Variants in FABP12 observed in about 807,000 individuals in gnomAD.
FABP12 encodes the protein fatty acid-binding protein 12.
In FABP12, 19 loss-of-function variants were observed where a neutral mutation model predicts 13.7. The observed-to-expected ratio is 1.39, with a 90% CI of 0.97 to 2.04. FABP12 has a LOEUF of 2.04. Among genes scored for constraint, FABP12 ranks in the 30% most tolerant of loss-of-function variants. The pLI is 0.00. For synonymous variants in FABP12, 61 were observed against 57.0 expected (o/e 1.07, Z -0.32); for missense variants, 182 against 164.2 (o/e 1.11, Z -0.59).
intron 1 of FABP12, among the ~76,000 whole-genome samples, chr8:81,567,014 G>A (rs1809834358): frequency 2.0e-5 from 3 of 152,006 alleles, no homozygotes; most frequent in Admixed American, 2.0e-4. Context: ...CATGCCAACA[G>A]CAAACAATCT....
intron 1 of FABP12, among the ~76,000 whole-genome samples, chr8:81,580,066 T>C (rs954165569): frequency 6.6e-5 from 10 of 152,180 alleles, no homozygotes; most frequent in Non-Finnish European, 1.3e-4. Context: ...AGCGTGACAA[T>C]TGTCCCTATA....
At chr8:81,560,534 C>A (rs941733107) in intron 1 of FABP12, among the ~76,000 whole-genome samples, 1 of 152,188 alleles carries the variant, frequency 6.6e-6, no homozygotes, top group Non-Finnish European at 1.5e-5. Context: ...GCCATCCCCC[C>A]ATCAGCCAGA....
At chr8:81,547,923 G>C (rs1809461594) in intron 1 of FABP12, among the ~76,000 whole-genome samples, 1 of 152,202 alleles carries the variant, frequency 6.6e-6, no homozygotes, top group South Asian at 2.1e-4. Context: ...TTAGAGAAGT[G>C]AAAGGACTTT....
At chr8:81,585,136 T>C (rs571655620) in intron 1 of FABP12, among the ~76,000 whole-genome samples, 1 of 152,274 alleles carries the variant, frequency 6.6e-6, no homozygotes, top group South Asian at 2.1e-4. Flanking sequence ...GTTTTTAAGG[T>C]CACAGCCCAA....
At chr8:81,584,162 T>C (rs550318834) in intron 1 of FABP12, among the ~76,000 whole-genome samples, 1 of 151,976 alleles carries the variant, frequency 6.6e-6, no homozygotes, top group Non-Finnish European at 1.5e-5. Flanking sequence ...CACCAGCAAG[T>C]TGGGTGAGTA....
intron 1 of FABP12, among the ~76,000 whole-genome samples, chr8:81,551,140 C>A (rs1004397113): frequency 2.0e-5 from 3 of 152,134 alleles, no homozygotes; most frequent in African/African-American, 7.2e-5. Context: ...GTCTTATGGG[C>A]TACAGAAATG....
intron 1 of FABP12, among the ~76,000 whole-genome samples, chr8:81,533,593 A>C (rs1272620987): frequency 6.6e-6 from 1 of 151,938 alleles, no homozygotes. Context: ...AGTCCCCCCC[A>C]CATCCCAAGT....
intron 1 of FABP12, among the ~76,000 whole-genome samples, chr8:81,576,623 C>T (rs1455796813): frequency 1.3e-5 from 2 of 152,052 alleles, no homozygotes; most frequent in Non-Finnish European, 2.9e-5. Flanking sequence ...TCCATAAATA[C>T]ATAAATTGTT....
chr8:81,531,590 G>A (rs1281317715), intron 1 of FABP12, among the ~76,000 whole-genome samples, 200 bp from the exon 2 acceptor site: 1 of 152,162 alleles, frequency 6.6e-6, no homozygotes, highest in Admixed American at 6.5e-5. Context: ...CACCAATTTA[G>A]CATCAAAACT....
At chr8:81,538,002 A>G (rs184500615), upstream of FABP12, among the ~76,000 whole-genome samples, 1 of 152,322 alleles carries the variant, frequency 6.6e-6, no homozygotes, top group East Asian at 1.9e-4. Flanking sequence ...TACTGGAAGT[A>G]TGGTGCCAGC....
At chr8:81,540,254 A>C (rs1218659092) in intron 1 of FABP12, among the ~76,000 whole-genome samples, 1 of 152,238 alleles carries the variant, frequency 6.6e-6, no homozygotes, top group African/African-American at 2.4e-5. Context: ...AAGTCCTCCA[A>C]GTGATTCTGA....
rs1175451748 is a variant in FABP12, at chr8:81,571,733, G to A, written c.-185+18320C>T. Among the ~76,000 whole-genome samples, 3 of 152,174 alleles carry A rather than the reference G, an allele frequency of 2.0e-5. No individual in the cohort carries two copies. The East Asian group carries it at 5.8e-4, about 29-fold the overall frequency. On this transcript the variant is annotated intron_variant, in intron 1 of 5. Transcript: ENST00000692030. The stretch of plus-strand genomic sequence containing the variant: ...AGTTGTCAAACTTCATCAGCGAAAT[G>A]TTGGGGTCATTTAAAGCTGCTGCTT...
At chr8:81,541,023 C>G (rs750273432) in intron 1 of FABP12, among the ~76,000 whole-genome samples, 1 of 151,822 alleles carries the variant, frequency 6.6e-6, no homozygotes, top group Non-Finnish European at 1.5e-5. Flanking sequence ...AAAAATTAGC[C>G]AGGTTTGGTG....
At chr8:81,543,064 C>T (rs1332479262) in intron 1 of FABP12, among the ~76,000 whole-genome samples, 1 of 152,146 alleles carries the variant, frequency 6.6e-6, no homozygotes, top group Non-Finnish European at 1.5e-5. Context: ...ATATAATCTC[C>T]AATTTAGGAC....
At position 81,558,434 on chromosome 8, in the gene FABP12, C is replaced by T. The variant is rs139437749; in HGVS notation, c.-184-18691G>A. Among the ~76,000 whole-genome samples the T allele has an allele frequency of 2.5e-3, 384 of 152,294 alleles. 2 individuals are homozygous for T. Among genetic ancestry groups the T allele is most frequent in the Middle Eastern group, 0.01 (3 of 294 alleles). ...TCTGTACTCGCAGGAGCCCCCTCCT[C>T]CATCTTTCCTGCACCACAGTGAGCC... On this transcript the variant is annotated intron_variant, in intron 1 of 5. Coordinates refer to the FABP12 transcript ENST00000692030.
chr8:81,552,175 T>G (rs1212005289), intron 1 of FABP12, among the ~76,000 whole-genome samples: 3 of 152,048 alleles, frequency 2.0e-5, no homozygotes, highest in Non-Finnish European at 4.4e-5. Context: ...ATTTAAGCAA[T>G]AGCTTGAAGA....
intron 1 of FABP12, among the ~76,000 whole-genome samples, chr8:81,570,383 G>T (rs1042865660): frequency 6.6e-6 from 1 of 152,162 alleles, no homozygotes; most frequent in South Asian, 2.1e-4. Context: ...TCTGCTACCA[G>T]GAAGAATGAG....
chr8:81,566,494 G>A (rs181848198), intron 1 of FABP12, among the ~76,000 whole-genome samples: 154 of 152,108 alleles, frequency 1.0e-3, no homozygotes, highest in African/African-American at 3.7e-3. Context: ...TTATCCTAGG[G>A]ATCCAAAAAT....
chr8:81,579,129 C>T (rs1441634200), intron 1 of FABP12, among the ~76,000 whole-genome samples: 2 of 152,010 alleles, frequency 1.3e-5, no homozygotes, highest in Non-Finnish European at 2.9e-5. Flanking sequence ...CGCCCAGCCT[C>T]AAGTGTCTAT....
Sources: allele counts gnomAD v4.1 joint callset (sites outside exome capture counted in the v4.1 genomes callset), GRCh38; gene constraint gnomAD v4.1.1; transcripts MANE v1.5; gene names NCBI Gene and HGNC (gene_info 2026-07-23, HGNC 2026-07-21).